RNGTT: variants seen among roughly 807,000 people sequenced by gnomAD.
RNGTT encodes RNA guanylyltransferase and 5'-phosphatase.
RNGTT carries 33 observed loss-of-function variants against 79.3 expected under a neutral mutation model. That is an observed-to-expected ratio of 0.42 (90% CI 0.32 to 0.56). The LOEUF (loss-of-function observed/expected upper bound fraction) is 0.56. RNGTT is among the 20% of genes least tolerant of loss of function. The pLI is 0.17. For missense variants in RNGTT, 497 were observed against 739.1 expected (o/e 0.67, Z 3.80); for synonymous variants, 222 against 235.9 (o/e 0.94, Z 0.54).
At chr6:88,851,272 A>G (rs1257506631) in intron 9 of RNGTT, among the ~76,000 whole-genome samples, 2 of 151,902 alleles carry the variant, frequency 1.3e-5, no homozygotes, top group Admixed American at 6.6e-5. Flanking sequence ...TACATAACAT[A>G]TATTAAATGT....
intron 2 of RNGTT, among the ~76,000 whole-genome samples, chr6:88,929,741 T>C (rs1265299188): frequency 6.6e-6 from 1 of 151,958 alleles, no homozygotes; most frequent in Non-Finnish European, 1.5e-5. Flanking sequence ...ATCTATTGAC[T>C]ACACCATTTT....
chr6:88,935,554 A>C (rs1784639878), intron 2 of RNGTT, among the ~76,000 whole-genome samples: 1 of 152,226 alleles, frequency 6.6e-6, no homozygotes, highest in East Asian at 1.9e-4. Flanking sequence ...TCTTTAAAAA[A>C]AGTTTTTTTT....
chr6:88,899,501 C>G (rs1467503623), intron 6 of RNGTT, among the ~76,000 whole-genome samples: 2 of 152,076 alleles, frequency 1.3e-5, no homozygotes, highest in Non-Finnish European at 1.5e-5. Flanking sequence ...TAGTCTCAAA[C>G]TCCTGAGCTC....
intron 13 of RNGTT, among the ~76,000 whole-genome samples, chr6:88,734,604 G>C (rs1433985740): frequency 6.6e-6 from 1 of 151,982 alleles, no homozygotes; most frequent in Non-Finnish European, 1.5e-5. Flanking sequence ...TAAAGATGCA[G>C]GTAAGTGAAA....
intron 14 of RNGTT, among the ~76,000 whole-genome samples, chr6:88,660,314 A>T (rs1431689727): frequency 6.6e-6 from 1 of 152,198 alleles, no homozygotes; most frequent in African/African-American, 2.4e-5. Context: ...CAGTACTAAC[A>T]TTGAATGTAA....
intron 11 of RNGTT, among the ~76,000 whole-genome samples, chr6:88,806,853 C>G (rs889292634): frequency 2.0e-5 from 3 of 152,056 alleles, no homozygotes; most frequent in African/African-American, 7.2e-5. Flanking sequence ...AAATGCCCAT[C>G]AATGATAGAC....
At chr6:88,888,308 TAA>T (rs1280338232) in intron 8 of RNGTT, among the ~76,000 whole-genome samples, 1 of 152,194 alleles carries the variant, frequency 6.6e-6, no homozygotes, top group Non-Finnish European at 1.5e-5. Flanking sequence ...AGACATTTGT[TAA>T]GACATTTTTA....
chr6:88,674,310 G>A (rs1175205241), intron 14 of RNGTT, among the ~76,000 whole-genome samples: 5 of 152,154 alleles, frequency 3.3e-5, no homozygotes, highest in African/African-American at 1.2e-4. Context: ...CACTTTCGGA[G>A]GCTGAGATGG....
chr6:88,769,393 C>T (rs1778573729), intron 13 of RNGTT, among the ~76,000 whole-genome samples: 1 of 152,100 alleles, frequency 6.6e-6, no homozygotes, highest in Non-Finnish European at 1.5e-5. Flanking sequence ...CTCCTGTGCT[C>T]AAGCAATCTG....
chr6:88,723,947 G>C (rs954306066), intron 13 of RNGTT, among the ~76,000 whole-genome samples: 1 of 151,966 alleles, frequency 6.6e-6, no homozygotes, highest in African/African-American at 2.4e-5. Flanking sequence ...CTGGTCTCAA[G>C]CTCCTGGCCT....
chr6:88,906,329 C>T, intron 5 of RNGTT, 36 bp downstream of exon 5: 1 of 1,381,056 alleles, frequency 7.2e-7, no homozygotes, highest in Non-Finnish European at 1.0e-6. Context: ...TTTTTTATTA[C>T]AAAATACATC....
At chr6:88,942,222 G>A (rs570615486) in intron 1 of RNGTT, among the ~76,000 whole-genome samples, 12 of 152,256 alleles carry the variant, frequency 7.9e-5, no homozygotes, top group African/African-American at 2.9e-4. Context: ...ATTCTGAGAG[G>A]ATGCTAACCA....
chr6:88,731,174 C>A (rs186159728), intron 13 of RNGTT, among the ~76,000 whole-genome samples: 1 of 151,800 alleles, frequency 6.6e-6, no homozygotes. Context: ...ATAAAAGCCC[C>A]CCCAAAAAAA....
chr6:88,873,126 G>C (rs1314699621), intron 8 of RNGTT, among the ~76,000 whole-genome samples: 1 of 152,070 alleles, frequency 6.6e-6, no homozygotes, highest in East Asian at 1.9e-4. Flanking sequence ...GGTAGTGAGG[G>C]AAGAGCACCT....
intron 1 of RNGTT, among the ~76,000 whole-genome samples, chr6:88,944,079 C>G (rs1784932037): frequency 6.6e-6 from 1 of 152,172 alleles, no homozygotes; most frequent in Admixed American, 6.5e-5. Flanking sequence ...CCTAAAACAT[C>G]CCCTTTTCAA....
At chr6:88,753,292 C>T (rs775102875) in intron 13 of RNGTT, among the ~76,000 whole-genome samples, 4 of 152,064 alleles carry the variant, frequency 2.6e-5, no homozygotes, top group African/African-American at 4.8e-5. Flanking sequence ...ACTGCTTGAG[C>T]CTAGGAGTTG....
At chr6:88,786,401 A>C (rs1023737539) in intron 12 of RNGTT, among the ~76,000 whole-genome samples, 2 of 152,220 alleles carry the variant, frequency 1.3e-5, no homozygotes, top group African/African-American at 4.8e-5. Flanking sequence ...CATGTAAAAG[A>C]TTGAATACCT....
At chr6:88,653,912 T>C (rs565191212) in intron 14 of RNGTT, among the ~76,000 whole-genome samples, 1 of 152,312 alleles carries the variant, frequency 6.6e-6, no homozygotes, top group South Asian at 2.1e-4. Context: ...ATAAAGATAA[T>C]ATTGAGATTG....
intron 13 of RNGTT, among the ~76,000 whole-genome samples, chr6:88,731,184 AC>A (rs1197337725): frequency 6.6e-6 from 1 of 152,170 alleles, no homozygotes; most frequent in African/African-American, 2.4e-5. Flanking sequence ...CCCCAAAAAA[AC>A]ATAAAAACAA....
Sources: allele counts gnomAD v4.1 joint callset (sites outside exome capture counted in the v4.1 genomes callset), GRCh38; gene constraint gnomAD v4.1.1; transcripts MANE v1.5; gene names NCBI Gene and HGNC (gene_info 2026-07-23, HGNC 2026-07-21).